The following BTN2A2 variants were observed in gnomAD, a reference collection of about 807,000 sequenced individuals.
BTN2A2 encodes the protein butyrophilin subfamily 2 member A2, also known as butyrophilin 2.
A neutral mutation model predicts 34.7 loss-of-function variants in BTN2A2; 29 were observed. That is an observed-to-expected ratio of 0.84 (90% CI 0.62 to 1.14). The LOEUF (loss-of-function observed/expected upper bound fraction) is 1.14, where lower values mean the gene tolerates loss of function less well. BTN2A2 is among the 50% of genes most tolerant of loss of function. The probability of loss-of-function intolerance (pLI) is 0.00; values close to 1 mark genes in which losing one functional copy is unlikely to be tolerated. For synonymous variants in BTN2A2, 240 were observed against 253.1 expected (o/e 0.95, Z 0.49); for missense variants, 612 against 651.5 (o/e 0.94, Z 0.66).
At chr6:26,385,395 C>T in intron 3 of BTN2A2, 33 bp downstream of exon 3, 1 of 1,579,162 alleles carries the variant, frequency 6.3e-7, no homozygotes, top group Non-Finnish European at 8.6e-7. Context: ...ATTACTTTTG[C>T]ACAGTGTGAC....
At position 26,393,026 on chromosome 6, in the gene BTN2A2, G is replaced by A. The variant is rs925780807; in HGVS notation, c.*59G>A. The A allele has an allele frequency of 7.9e-5, 127 of 1,612,818 alleles. No individual in the cohort carries two copies. Among genetic ancestry groups the A allele is most frequent in the Non-Finnish European group, 1.0e-4 (120 of 1,179,442 alleles). ...AGCCCTGGCCATCTCAGCAGCCACC[G>A]CACAACCCCCCTAATGAAAGACACG... is the stretch of plus-strand genomic sequence containing the variant. On this transcript the variant is annotated 3_prime_UTR_variant, in exon 8 of 8. Coordinates refer to ENST00000356709, the MANE Select transcript of BTN2A2 (RefSeq NM_006995.5).
chr6:26,390,933 C>A, intron 7 of BTN2A2, 104 bp downstream of exon 7: 7 of 1,556,330 alleles, frequency 4.5e-6, no homozygotes, highest in Non-Finnish European at 6.2e-6. Context: ...TACACAGGGA[C>A]CATAGGGAAC....
Position 26,393,600 on chromosome 6 carries a change from G to A in BTN2A2, c.*633G>A. 6 of 1,002,978 alleles carry A rather than the reference G, an allele frequency of 6.0e-6. No individual in the cohort carries two copies. The highest frequency in any genetic ancestry group is 7.1e-6 in the Non-Finnish European group (6 of 840,710). The allele number at this position is 1,002,978 out of a possible 1,614,324, so 62.1% of individuals were successfully genotyped here. A position where few individuals can be genotyped will look rare whatever the true frequency, so the allele number is the denominator to read the frequency against. On this transcript the variant is annotated 3_prime_UTR_variant, in exon 8 of 8. Transcript: ENST00000356709. ...GGGATGAAGATGAATGAAGAACATGGACTCATGTGGATGTGGTTTGGCTCA... is the reference window on the plus strand; with the variant it reads ...GGGATGAAGATGAATGAAGAACATGAACTCATGTGGATGTGGTTTGGCTCA...
rs201353973 is a variant in BTN2A2 at position 26,392,729 on chromosome 6, G to A, written c.1334G>A (p.Arg445Gln). 3.0e-5 allele frequency: 49 copies of A among 1,614,172 alleles called. No homozygotes were observed. The highest frequency in any genetic ancestry group is 6.7e-5 in the Admixed American group (4 of 60,030). Residue 445 changes from arginine (R) to glutamine (Q), a missense_variant, in exon 8 of 8, where the codon CGG (arginine) becomes CAG (glutamine). Coordinates refer to ENST00000356709, the MANE Select transcript of BTN2A2 (RefSeq NM_006995.5). Reference protein sequence around the residue: ...RILPLKESLCRVGVFLDYEAG... With the variant: ...RILPLKESLCQVGVFLDYEAG... ...CTCCCTTTGAAGGAGTCCCTTTGCC[G>A]GGTGGGCGTCTTCCTGGACTATGAA...
At chr6:26,388,556 G>A (rs964890122) in intron 4 of BTN2A2, among the ~76,000 whole-genome samples, 1 of 152,132 alleles carries the variant, frequency 6.6e-6, no homozygotes, top group African/African-American at 2.4e-5. Flanking sequence ...TGCAACAGTT[G>A]TAAAATATTA....
At position 26,385,425 on chromosome 6, in the gene BTN2A2, C is replaced by T. The variant is rs1237157313; in HGVS notation, c.442+63C>T. ...TGTGACTTTTGGGGAAAGTTTCTCC[C>T]TTAACCTCAGGCCCATTGCAGACCA... is the stretch of plus-strand genomic sequence containing the variant. On this transcript the variant is annotated intron_variant, in intron 3 of 7. Coordinates refer to ENST00000356709, the MANE Select transcript of BTN2A2 (RefSeq NM_006995.5). 9.4e-6 allele frequency: 14 copies of T among 1,482,632 alleles called. No homozygotes were observed. The South Asian group carries it at 1.7e-4, about 18-fold the overall frequency. 91.8% of individuals were successfully genotyped at this position (1,482,632 alleles called of 1,614,324 possible).
chr6:26,387,354 TC>T (rs1156634350), intron 3 of BTN2A2, among the ~76,000 whole-genome samples: 1 of 152,196 alleles, frequency 6.6e-6, no homozygotes, highest in Non-Finnish European at 1.5e-5. Flanking sequence ...AACCATCACC[TC>T]CTATGGAGGT....
rs1223728563 is a variant in BTN2A2 at position 26,392,582 on chromosome 6, T to TG, written c.1192dup (p.Val398GlyfsTer7). 1.5e-5 allele frequency: 24 copies of TG among 1,613,910 alleles called. No homozygotes were observed. Among genetic ancestry groups the TG allele is most frequent in the Non-Finnish European group, 2.0e-5 (24 of 1,179,984 alleles). ...GTGGAAAACGTGATGGTGTGGACTG[T>TG]GGGGGTCTGCAGACACAGTGTTGAG... On this transcript the variant is annotated frameshift_variant, in exon 8 of 8. Transcript: ENST00000356709. LOFTEE classifies it low-confidence loss of function (END_TRUNC).
At position 26,385,059 on chromosome 6, in the gene BTN2A2, G is replaced by A. The variant is rs755187913; in HGVS notation, c.139G>A (p.Val47Met). 2.5e-6 allele frequency: 4 copies of A among 1,613,822 alleles called. No individual in the cohort carries two copies. Among genetic ancestry groups the A allele is most frequent in the Non-Finnish European group, 3.4e-6 (4 of 1,179,880 alleles). The change falls in exon 3 of 8, where the codon GTG becomes ATG. Residue 47 changes from valine (V) to methionine (M), a missense_variant. By Grantham distance (21) the Val-to-Met change is conservative (BLOSUM62 1). Transcript: ENST00000356709. ...GCCAGCTAATCCCATCCTGGCCATGGTGGGAGAAAACACTACATTACGCTG... is the reference window on the plus strand; with the variant it reads ...GCCAGCTAATCCCATCCTGGCCATGATGGGAGAAAACACTACATTACGCTG... ...VGPANPILAMVGENTTLRCHL... is the reference protein window; with the variant it reads ...VGPANPILAMMGENTTLRCHL...
chr6:26,392,346 C>A (rs1275548734), intron 7 of BTN2A2, 29 bp from the exon 8 acceptor site: 1 of 1,614,146 alleles, frequency 6.2e-7, no homozygotes, highest in Non-Finnish European at 8.5e-7. Flanking sequence ...CCTGAGACCC[C>A]AGGCATAAAC....
Position 26,383,689 on chromosome 6 carries a change from T to C in BTN2A2, c.-30-103T>C. On this transcript the variant is annotated intron_variant, in intron 1 of 7. Coordinates refer to ENST00000356709, the MANE Select transcript of BTN2A2 (RefSeq NM_006995.5). The surrounding 1 kb of genome is among the most constrained non-coding windows in gnomAD (Gnocchi z 4.4). ...TTGAGATGCAAGCGACTCCCAGAAG[T>C]TGGGGCACCGATGAGACCTACTTGA... is the stretch of plus-strand genomic sequence containing the variant. 1.2e-6 allele frequency: 1 copy of C among 832,364 alleles called. No homozygotes were observed. Among genetic ancestry groups the C allele is most frequent in the Non-Finnish European group, 2.0e-6 (1 of 501,890 alleles). The allele number at this position is 832,364 out of a possible 1,614,324, so 51.6% of individuals were successfully genotyped here. A position where few individuals can be genotyped will look rare whatever the true frequency, so the allele number is the denominator to read the frequency against.
rs1004671811 is a variant in BTN2A2, at chr6:26,392,952, C to T, written c.1557C>T (p.Thr519=). The change falls in exon 8 of 8, where the codon ACC becomes ACT. Residue 519 remains threonine (T), a synonymous_variant. Transcript: ENST00000356709. ...EEGLKLHRVG[T]HQSL is the part of the protein sequence containing the mutation. The stretch of plus-strand genomic sequence containing the variant: ...GCCTGAAACTTCACAGAGTGGGGAC[C>T]CACCAGAGCCTATAGAATCAATTCC... 11 of 1,614,016 alleles carry T rather than the reference C, an allele frequency of 6.8e-6. No homozygotes were observed. Among genetic ancestry groups the T allele is most frequent in the Non-Finnish European group, 9.3e-6 (11 of 1,180,036 alleles).
chr6:26,388,020 G>T lies in BTN2A2; in HGVS notation c.450G>T (p.Gly150=), dbSNP rs1351073681. The T allele has an allele frequency of 1.2e-6, 2 of 1,613,254 alleles. No homozygotes were observed. Residue 150 remains glycine (G), a synonymous_variant, in exon 4 of 8, where the codon GGG becomes GGT. Coordinates refer to ENST00000356709, the MANE Select transcript of BTN2A2 (RefSeq NM_006995.5). The part of the protein sequence containing the change: ...AILRLVVAGL[G]SKPLIEIKAQ... ...CCTGGTCTCCCTTTCCAGGCCTTGG[G>T]TCTAAGCCCCTCATTGAAATCAAGG...
In BTN2A2 at chr6:26,386,867, G is replaced by C. The variant is rs149983364; in HGVS notation, c.443-1146G>C. Among the ~76,000 whole-genome samples, 87 of 152,308 alleles carry C rather than the reference G, an allele frequency of 5.7e-4. 1 individual carries two copies. The highest frequency in any genetic ancestry group is 1.9e-3 in the African/African-American group (81 of 41,556). On this transcript the variant is annotated intron_variant, in intron 3 of 7. Transcript: ENST00000356709. ...ATTTCTTTTCTAATTCAGGATTTCT[G>C]TGTGAGCCTTCAAATGCACAACTAG...
chr6:26,394,063 G>C lies in BTN2A2; in HGVS notation c.*1096G>C. On this transcript the variant is annotated 3_prime_UTR_variant, in exon 8 of 8. Coordinates refer to ENST00000356709, the MANE Select transcript of BTN2A2 (RefSeq NM_006995.5). ...TATTTGTATTATCATATCTGCCTTT[G>C]TATTAAACCTATTGGTATATCATAG... is the stretch of plus-strand genomic sequence containing the variant. The C allele has an allele frequency of 2.3e-6, 1 of 426,496 alleles. No individual in the cohort carries two copies. The highest frequency in any genetic ancestry group is 6.3e-5 in the South Asian group (1 of 15,898). 26.4% of individuals were successfully genotyped at this position (426,496 alleles called of 1,614,324 possible).
chr6:26,383,413 C>T lies in BTN2A2; in HGVS notation c.-31+232C>T, dbSNP rs879751098. 1.4e-5 allele frequency: 3 copies of T among 210,416 alleles called. No homozygotes were observed. Among genetic ancestry groups the T allele is most frequent in the Non-Finnish European group, 2.9e-5 (3 of 104,160 alleles). 13.0% of individuals were successfully genotyped at this position (210,416 alleles called of 1,614,324 possible). A position where few individuals can be genotyped will look rare whatever the true frequency, so the allele number is the denominator to read the frequency against. ...ATCTGCTCTGGAGAGGAGAGGGGGA[C>T]CTGGGAGACAGGAAGCCTACTGGTG... On this transcript the variant is annotated intron_variant, in intron 1 of 7. Transcript: ENST00000356709. This position sits in a 1 kb window ranked among gnomAD's most constrained non-coding sequence, Gnocchi z 4.4.
rs1407442828 is a variant in BTN2A2 at position 26,384,861 on chromosome 6, G to T, written c.95-154G>T. Among the ~76,000 whole-genome samples the T allele has an allele frequency of 2.6e-5, 4 of 152,182 alleles. No homozygotes were observed. Among genetic ancestry groups the T allele is most frequent in the Admixed American group, 2.6e-4 (4 of 15,284 alleles). On this transcript the variant is annotated intron_variant, in intron 2 of 7. Transcript: ENST00000356709. This position sits in a 1 kb window ranked among gnomAD's most constrained non-coding sequence, Gnocchi z 4.0. ...AGCCACAGCTACTGGTCCCCAGAAG[G>T]GTTCTCAGCCCAAGAACCCCTGTAG...
rs1761759601 is a variant in BTN2A2 at position 26,394,136 on chromosome 6, G to C, written c.*1169G>C. 3.5e-6 allele frequency: 2 copies of C among 568,872 alleles called. No homozygotes were observed. Among genetic ancestry groups the C allele is most frequent in the South Asian group, 2.4e-5 (1 of 42,374 alleles). The allele number at this position is 568,872 out of a possible 1,614,324, so 35.2% of individuals were successfully genotyped here. ...TTACTGCACACTACTGAGAGAATGA[G>C]ATGAAAAACGATTAATGTTTCATTA... On this transcript the variant is annotated 3_prime_UTR_variant, in exon 8 of 8. Coordinates refer to ENST00000356709, the MANE Select transcript of BTN2A2 (RefSeq NM_006995.5).
chr6:26,383,295 CAG>C lies in BTN2A2; in HGVS notation c.-31+117_-31+118del, dbSNP rs3832422. The C allele has an allele frequency of 0.28, 43,791 of 155,112 alleles. 9,060 individuals are homozygous for C. The highest frequency in any genetic ancestry group is 0.59 in the African/African-American group (24,434 of 41,186). 9.6% of individuals were successfully genotyped at this position (155,112 alleles called of 1,614,324 possible). On this transcript the variant is annotated intron_variant, in intron 1 of 7. Coordinates refer to ENST00000356709, the MANE Select transcript of BTN2A2 (RefSeq NM_006995.5). This position sits in a 1 kb window ranked among gnomAD's most constrained non-coding sequence, Gnocchi z 4.4. ...GTGAGGATCAGAGGGGAAAAGAAAA[CAG>C]AGGTTAGTTCTAGAAGGTAGGAAAG...
Sources: gnomAD v4.1 joint callset for allele counts (sites outside exome capture counted in the v4.1 genomes callset) on GRCh38, gnomAD v4.1.1 for gene constraint, Gnocchi (gnomAD v3.1) non-coding constraint, MANE v1.5 for transcripts, NCBI Gene and HGNC (gene_info 2026-07-23, HGNC 2026-07-21) for gene names.